The following TRAPPC9 variants were observed in gnomAD, a reference collection of about 807,000 sequenced individuals.
The protein encoded by TRAPPC9 is trafficking protein particle complex subunit 9, also known as IKK2 binding protein.
In TRAPPC9, 83 loss-of-function variants were observed where a neutral mutation model predicts 124.0. That is an observed-to-expected ratio of 0.67 (90% confidence interval 0.56 to 0.80). TRAPPC9 has a LOEUF of 0.80. Among genes scored for constraint, TRAPPC9 ranks in the 30% least tolerant of loss-of-function variants. The pLI, the probability that TRAPPC9 is intolerant of heterozygous loss-of-function variation, is 0.00. For synonymous variants in TRAPPC9, 638 were observed against 617.5 expected (o/e 1.03, Z -0.49); for missense variants, 1,302 against 1,508.3 (o/e 0.86, Z 2.27).
intron 21 of TRAPPC9, among the ~76,000 whole-genome samples, chr8:139,774,781 A>G (rs1422836520): frequency 6.6e-6 from 1 of 152,212 alleles, no homozygotes; most frequent in African/African-American, 2.4e-5. Context: ...GCAAGGGAGC[A>G]GAATCTCTCC....
chr8:140,349,239 ACACGACGGAAGG>A (rs2067454777), intron 9 of TRAPPC9, among the ~76,000 whole-genome samples: 1 of 46,454 alleles, frequency 2.2e-5, no homozygotes, highest in African/African-American at 8.3e-5. Flanking sequence ...CGAAGGGGGC[ACACGACGGAAGG>A]GCACAGAGGG....
rs538639812 is a variant in TRAPPC9 at position 140,087,123 on chromosome 8, T to A, written c.2557-63044A>T. On this transcript the variant is annotated intron_variant, in intron 17 of 22. Coordinates refer to ENST00000438773, the MANE Select transcript of TRAPPC9 (RefSeq NM_001160372.4). The surrounding 1 kb of genome is among the most constrained non-coding windows in gnomAD (Gnocchi z 4.6). ...CCAATCTCAAAGCCAGTGGTCAACA[T>A]CCTGGCCTTGTCTTCCTGACGTTCT... Among the ~76,000 whole-genome samples the A allele has an allele frequency of 6.6e-6, 1 of 152,158 alleles. No individual in the cohort carries two copies. Among genetic ancestry groups the A allele is most frequent in the Non-Finnish European group, 1.5e-5 (1 of 68,014 alleles).
intron 21 of TRAPPC9, among the ~76,000 whole-genome samples, chr8:139,762,298 G>A (rs1477378578): frequency 6.6e-6 from 1 of 152,162 alleles, no homozygotes; most frequent in Admixed American, 6.5e-5. Context: ...TTAAGAACTA[G>A]TATGCAAATC....
intron 19 of TRAPPC9, among the ~76,000 whole-genome samples, chr8:139,935,013 A>T (rs1833420665): frequency 6.6e-6 from 1 of 152,196 alleles, no homozygotes; most frequent in Non-Finnish European, 1.5e-5. Context: ...CATCACACGG[A>T]GAAGACAGAG....
At chr8:140,347,129 C>T (rs536582257) in intron 9 of TRAPPC9, among the ~76,000 whole-genome samples, 2 of 152,386 alleles carry the variant, frequency 1.3e-5, no homozygotes, top group South Asian at 4.1e-4. Flanking sequence ...GCCTCTCCTC[C>T]AGGAGCCCCC....
chr8:140,329,424 T>A (rs2066835875), intron 9 of TRAPPC9, among the ~76,000 whole-genome samples: 1 of 152,160 alleles, frequency 6.6e-6, no homozygotes, highest in Non-Finnish European at 1.5e-5. Context: ...ATGGCTCGTC[T>A]CCTAGGGAGC....
chr8:140,424,160 T>C (rs1168532524), intron 5 of TRAPPC9, among the ~76,000 whole-genome samples: 2 of 151,536 alleles, frequency 1.3e-5, no homozygotes. Context: ...GTTTGTTTTT[T>C]TAAAAAAAAG....
chr8:139,869,076 G>A (rs1250124770), intron 21 of TRAPPC9, among the ~76,000 whole-genome samples: 1 of 152,176 alleles, frequency 6.6e-6, no homozygotes, highest in Non-Finnish European at 1.5e-5. Context: ...CCAACAGAAT[G>A]TATGACATAA....
At chr8:139,761,567 G>C (rs932220508) in intron 21 of TRAPPC9, among the ~76,000 whole-genome samples, 1 of 152,078 alleles carries the variant, frequency 6.6e-6, no homozygotes, top group Non-Finnish European at 1.5e-5. Flanking sequence ...CTATGACCCC[G>C]CATTCTGACC....
intron 15 of TRAPPC9, chr8:140,262,602 C>T (rs1011478821): frequency 6.6e-6 from 1 of 151,850 alleles, no homozygotes; most frequent in Non-Finnish European, 1.5e-5. Context: ...AGTAAATTCA[C>T]TCACTGTGGT....
At chr8:139,980,171 C>T (rs1402888421) in intron 19 of TRAPPC9, among the ~76,000 whole-genome samples, 1 of 152,198 alleles carries the variant, frequency 6.6e-6, no homozygotes, top group African/African-American at 2.4e-5. Flanking sequence ...GACCACACCC[C>T]TCCCTGCAGC....
In TRAPPC9 at chr8:139,910,296, C is replaced by A; in HGVS notation, c.2815G>T (p.Ala939Ser). 1 of 1,614,136 alleles carries A rather than the reference C, an allele frequency of 6.2e-7. No individual in the cohort carries two copies. Among genetic ancestry groups the A allele is most frequent in the East Asian group, 2.2e-5 (1 of 44,884 alleles). Residue 939 changes from alanine (A) to serine (S), a missense_variant, in exon 20 of 23, where the codon GCT becomes TCT. Transcript: ENST00000438773. ...AAGTTGAACTTGTCCACTTGAATAG[C>A]CATTCTACGAGAAAGGGGAAAACAC... is the stretch of plus-strand genomic sequence containing the variant. ...ILHAGECQRM[A>S]IQVDKFNFES...
At chr8:139,920,811 C>A (rs1340463081) in intron 19 of TRAPPC9, among the ~76,000 whole-genome samples, 1 of 152,264 alleles carries the variant, frequency 6.6e-6, no homozygotes, top group East Asian at 1.9e-4. Flanking sequence ...TACAGTTCCA[C>A]ACTTCCTTAA....
intron 18 of TRAPPC9, among the ~76,000 whole-genome samples, chr8:139,995,604 G>A (rs1837914585): frequency 6.6e-6 from 1 of 152,006 alleles, no homozygotes. Flanking sequence ...AGGCACATAG[G>A]GATAAGAGCC....
chr8:139,797,674 C>T (rs541805447), intron 21 of TRAPPC9, among the ~76,000 whole-genome samples: 1 of 152,316 alleles, frequency 6.6e-6, no homozygotes, highest in South Asian at 2.1e-4. Flanking sequence ...ATAGTTTTAG[C>T]TGTCATAGTT....
chr8:139,782,246 G>A (rs937821166), intron 21 of TRAPPC9, among the ~76,000 whole-genome samples: 1 of 152,064 alleles, frequency 6.6e-6, no homozygotes, highest in Non-Finnish European at 1.5e-5. Context: ...CAGGCGTGGT[G>A]GCATGCACCT....
At chr8:139,837,325 A>G (rs946266310) in intron 21 of TRAPPC9, among the ~76,000 whole-genome samples, 1 of 152,168 alleles carries the variant, frequency 6.6e-6, no homozygotes, top group African/African-American at 2.4e-5. Flanking sequence ...CACAGCTGCC[A>G]CGGGGCAGGG....
In TRAPPC9 at chr8:139,754,536, G is replaced by T. The variant is rs144689228; in HGVS notation, c.3056-22334C>A. Among the ~76,000 whole-genome samples the T allele has an allele frequency of 8.5e-4, 130 of 152,206 alleles. 1 individual carries two copies. Among genetic ancestry groups the T allele is most frequent in the South Asian group, 4.1e-3 (20 of 4,824 alleles). On this transcript the variant is annotated intron_variant, in intron 21 of 22. Coordinates refer to ENST00000438773, the MANE Select transcript of TRAPPC9 (RefSeq NM_001160372.4). The stretch of plus-strand genomic sequence containing the variant: ...CCCTTCCTGGGGTGACCTACATGCG[G>T]TGACTGATCCACACAGGGTATCAAG...
intron 19 of TRAPPC9, among the ~76,000 whole-genome samples, chr8:139,910,969 G>GAC (rs1376708798): frequency 6.6e-6 from 1 of 152,192 alleles, no homozygotes; most frequent in African/African-American, 2.4e-5. Context: ...AAGACTTTGG[G>GAC]AGACCGTTGG....
Sources: allele counts gnomAD v4.1 joint callset (sites outside exome capture counted in the v4.1 genomes callset), GRCh38; gene constraint gnomAD v4.1.1; non-coding constraint Gnocchi (gnomAD v3.1); transcripts MANE v1.5; gene names NCBI Gene and HGNC (gene_info 2026-07-23, HGNC 2026-07-21).